The following ALK variants were observed in gnomAD, a reference collection of about 807,000 sequenced individuals.
ALK encodes ALK tyrosine kinase receptor.
In ALK, 74 loss-of-function variants were observed where a neutral mutation model predicts 163.1. The observed-to-expected ratio is 0.45, with a 90% CI of 0.38 to 0.55. The LOEUF is 0.55. ALK is among the 20% of genes least tolerant of loss of function. The pLI, the probability that ALK is intolerant of heterozygous loss-of-function variation, is 0.00. For synonymous variants in ALK, 960 were observed against 843.2 expected (o/e 1.14, Z -2.40); for missense variants, 2,063 against 2,105.3 (o/e 0.98, Z 0.39).
chr2:29,436,280 G>C (rs1452966958), intron 4 of ALK, among the ~76,000 whole-genome samples: 1 of 152,140 alleles, frequency 6.6e-6, no homozygotes, highest in Non-Finnish European at 1.5e-5. Context: ...ACTGATAAAT[G>C]TCAGCTGATA....
chr2:29,494,284 C>A (rs1009605693), intron 4 of ALK, among the ~76,000 whole-genome samples: 2 of 152,144 alleles, frequency 1.3e-5, no homozygotes, highest in African/African-American at 4.8e-5. Context: ...GGCCTCCAGA[C>A]CTGGTACTGG....
intron 6 of ALK, among the ~76,000 whole-genome samples, chr2:29,325,143 G>GT: frequency 6.6e-6 from 1 of 152,070 alleles, no homozygotes; most frequent in Non-Finnish European, 1.5e-5. Flanking sequence ...TCCAACCATG[G>GT]CAGGGTTTGG....
rs116239309 is a variant in ALK, at chr2:29,539,108, T to C, written c.953-6992A>G. Reference sequence around the variant, plus strand: ...CCTTGTCAAGATTGTGTAAGAATGATTAAGTATTTTGTGTTTTGTTTATAG... The same window carrying C: ...CCTTGTCAAGATTGTGTAAGAATGACTAAGTATTTTGTGTTTTGTTTATAG... On this transcript the variant is annotated intron_variant, in intron 3 of 28. Coordinates refer to ENST00000389048, the MANE Select transcript of ALK (RefSeq NM_004304.5). Among the ~76,000 whole-genome samples, 1,068 of 152,250 alleles carry C rather than the reference T, an allele frequency of 7.0e-3. 18 individuals carry two copies. The highest frequency in any genetic ancestry group is 0.024 in the African/African-American group (996 of 41,542).
rs550387959 is a variant in ALK, at chr2:29,512,946, C to T, written c.1154+18969G>A. ...ACCTAGGAATCCACCTTACAAGGGA[C>T]GTGAAGGACCTCTTCAAGGAGAACT... On this transcript the variant is annotated intron_variant, in intron 4 of 28. Transcript: ENST00000389048. Among the ~76,000 whole-genome samples, 163 of 150,836 alleles carry T rather than the reference C, an allele frequency of 1.1e-3. 1 individual carries two copies. The highest frequency in any genetic ancestry group is 2.6e-3 in the African/African-American group (104 of 40,676).
chr2:29,517,822 T>C (rs548376828), intron 4 of ALK, among the ~76,000 whole-genome samples: 2 of 152,354 alleles, frequency 1.3e-5, no homozygotes, highest in African/African-American at 4.8e-5. Flanking sequence ...CAAAGACTTC[T>C]GGCCGTATGA....
chr2:29,578,613 G>C (rs964088247), intron 3 of ALK, among the ~76,000 whole-genome samples: 1 of 152,202 alleles, frequency 6.6e-6, no homozygotes, highest in Non-Finnish European at 1.5e-5. Context: ...TTTCTTCCTT[G>C]TCTTCAACTA....
chr2:29,627,064 G>A (rs556046461), intron 3 of ALK, among the ~76,000 whole-genome samples: 150 of 152,288 alleles, frequency 9.8e-4, no homozygotes, highest in African/African-American at 3.5e-3. Context: ...CCAGTGTTAG[G>A]TAATCATGCC....
At chr2:29,436,939 A>G (rs1172378692) in intron 4 of ALK, among the ~76,000 whole-genome samples, 3 of 152,212 alleles carry the variant, frequency 2.0e-5, no homozygotes, top group Admixed American at 6.5e-5. Flanking sequence ...CATGGAACTC[A>G]GCAGGAGTGA....
chr2:29,622,098 C>A (rs138754781), intron 3 of ALK, among the ~76,000 whole-genome samples: 5 of 152,200 alleles, frequency 3.3e-5, no homozygotes, highest in Admixed American at 3.3e-4. Flanking sequence ...ACACCCATAC[C>A]GCTAAATTAA....
chr2:29,663,940 C>T (rs1558431534), intron 3 of ALK, among the ~76,000 whole-genome samples: 1 of 152,098 alleles, frequency 6.6e-6, no homozygotes, highest in African/African-American at 2.4e-5. Flanking sequence ...TTAGAAAAAC[C>T]TTTCCTTGTT....
At chr2:29,620,124 T>C (rs2148228366) in intron 3 of ALK, among the ~76,000 whole-genome samples, 1 of 152,294 alleles carries the variant, frequency 6.6e-6, no homozygotes, top group Admixed American at 6.5e-5. Context: ...AGGAAAAACT[T>C]TGTATGAGTT....
At chr2:29,235,161 C>A (rs1009243136) in intron 13 of ALK, among the ~76,000 whole-genome samples, 1 of 152,216 alleles carries the variant, frequency 6.6e-6, no homozygotes, top group African/African-American at 2.4e-5. Flanking sequence ...TCAAAAACAG[C>A]CACGCCTGCT....
intron 8 of ALK, among the ~76,000 whole-genome samples, chr2:29,308,157 T>C (rs1271810442): frequency 6.6e-6 from 1 of 152,108 alleles, no homozygotes; most frequent in African/African-American, 2.4e-5. Context: ...TGTGCAGCTG[T>C]TAAAAGCATG....
At chr2:29,796,971 T>TA (rs1031701851) in intron 1 of ALK, among the ~76,000 whole-genome samples, 5 of 150,196 alleles carry the variant, frequency 3.3e-5, no homozygotes, top group African/African-American at 1.2e-4. Flanking sequence ...CATATATACA[T>TA]ACATACATAC....
At chr2:29,243,068 A>G (rs901658095) in intron 12 of ALK, among the ~76,000 whole-genome samples, 2 of 152,212 alleles carry the variant, frequency 1.3e-5, no homozygotes, top group Non-Finnish European at 2.9e-5. Context: ...TTGCTACTAC[A>G]GGACTGATTG....
At chr2:29,319,826 G>C (rs1666958161) in intron 7 of ALK, among the ~76,000 whole-genome samples, 2 of 152,268 alleles carry the variant, frequency 1.3e-5, no homozygotes, top group Admixed American at 1.3e-4. Context: ...ATGCTAAGAA[G>C]GATGCTGCTG....
At chr2:29,761,250 T>C (rs1680692330) in intron 1 of ALK, among the ~76,000 whole-genome samples, 1 of 152,152 alleles carries the variant, frequency 6.6e-6, no homozygotes, top group South Asian at 2.1e-4. Flanking sequence ...ATTTGGGACG[T>C]AGTAAAGTAG....
In ALK at chr2:29,226,960, T is replaced by C. The variant is rs1243978453; in HGVS notation, c.3029A>G (p.His1010Arg). 2 of 1,614,192 alleles carry C rather than the reference T, an allele frequency of 1.2e-6. No homozygotes were observed. The highest frequency in any genetic ancestry group is 1.7e-5 in the Admixed American group (1 of 60,020). Residue 1010 changes from histidine (H) to arginine (R), a missense_variant, in exon 18 of 29, where the codon CAC becomes CGC. Physicochemically the swap from His to Arg is conservative, Grantham distance 29. Around this residue, in one of 5 missense-constraint regions of ALK, gnomAD observed 575 missense variants for 626.6 expected, o/e 0.92. Coordinates refer to ENST00000389048, the MANE Select transcript of ALK (RefSeq NM_004304.5). ...ESHKVICFCD[H>R]GTVLAEDGVS... The stretch of plus-strand genomic sequence containing the variant: ...GCCATCCTCAGCCAGCACCGTCCCG[T>C]GGTCACAGAAGCAGATGACCTTGTG...
intron 2 of ALK, among the ~76,000 whole-genome samples, chr2:29,709,513 A>C (rs1026967597): frequency 9.2e-5 from 14 of 152,218 alleles, no homozygotes; most frequent in Admixed American, 2.6e-4. Context: ...AAAGGAAACA[A>C]GATGTGAATT....
Sources: allele counts gnomAD v4.1 joint callset (sites outside exome capture counted in the v4.1 genomes callset), GRCh38; gene constraint gnomAD v4.1.1; regional missense constraint gnomAD v4.1.1; transcripts MANE v1.5; gene names NCBI Gene and HGNC (gene_info 2026-07-23, HGNC 2026-07-21).